The following CCDC18 variants were observed in gnomAD, a reference collection of about 807,000 sequenced individuals.
CCDC18 encodes the protein coiled-coil domain containing 18.
A neutral mutation model predicts 196.0 loss-of-function variants in CCDC18; 157 were observed. The observed-to-expected ratio is 0.80, with a 90% confidence interval of 0.70 to 0.91. The LOEUF (loss-of-function observed/expected upper bound fraction) is 0.91, where lower values mean the gene tolerates loss of function less well. Among genes scored for constraint, CCDC18 ranks in the 40% least tolerant of loss-of-function variants. The pLI is 0.00. For synonymous variants in CCDC18, 482 were observed against 529.2 expected, an observed-to-expected ratio of 0.91 and a Z score of 1.22; for missense variants, 1,465 against 1,611.6, an observed-to-expected ratio of 0.91 and a Z score of 1.56.
intron 16 of CCDC18, among the ~76,000 whole-genome samples, chr1:93,225,726 G>A (rs367844403): frequency 3.3e-5 from 5 of 150,858 alleles, no homozygotes; most frequent in African/African-American, 1.2e-4. Flanking sequence ...GCAGTGACCC[G>A]AGATCGCACC....
chr1:93,266,634 T>C (rs1343346783), intron 27 of CCDC18, among the ~76,000 whole-genome samples: 1 of 152,070 alleles, frequency 6.6e-6, no homozygotes, highest in South Asian at 2.1e-4. Context: ...CCCATAGAAA[T>C]ACAAACTACC....
At chr1:93,180,552 C>A, upstream of CCDC18, 1 of 1,476,780 alleles carries the variant, frequency 6.8e-7, no homozygotes, top group East Asian at 3.2e-5. Context: ...CACCAATGGG[C>A]ATCATGGCGG....
At chr1:93,229,467 C>G (rs574555600) in intron 17 of CCDC18, among the ~76,000 whole-genome samples, 15 of 152,224 alleles carry the variant, frequency 9.9e-5, no homozygotes, top group African/African-American at 3.4e-4. Flanking sequence ...TTTAGAAAAT[C>G]TGATTTGAGT....
At chr1:93,215,299 G>C (rs1039512537) in intron 12 of CCDC18, among the ~76,000 whole-genome samples, 1 of 152,070 alleles carries the variant, frequency 6.6e-6, no homozygotes, top group African/African-American at 2.4e-5. Flanking sequence ...GGATTATGCT[G>C]TTGGAAGAAA....
chr1:93,238,520 G>A (rs1264875201), intron 19 of CCDC18, among the ~76,000 whole-genome samples: 2 of 151,928 alleles, frequency 1.3e-5, no homozygotes, highest in South Asian at 2.1e-4. Context: ...GCTCCTACTT[G>A]CAAACTCAAT....
At chr1:93,184,977 A>G (rs1650378789) in intron 3 of CCDC18, among the ~76,000 whole-genome samples, 1 of 151,974 alleles carries the variant, frequency 6.6e-6, no homozygotes, top group Non-Finnish European at 1.5e-5. Flanking sequence ...TGGGAAAACA[A>G]TAATGATAAT....
chr1:93,203,353 C>T (rs975553461), intron 7 of CCDC18, among the ~76,000 whole-genome samples: 2 of 151,942 alleles, frequency 1.3e-5, no homozygotes, highest in African/African-American at 4.8e-5. Flanking sequence ...GTAGAATATC[C>T]AGTTATAGGT....
chr1:93,207,252 A>G lies in CCDC18; in HGVS notation c.1063A>G (p.Arg355Gly), dbSNP rs1003074461. ...SELENKDEILRDKFSLMNENR... is the reference protein window; with the variant it reads ...SELENKDEILGDKFSLMNENR... ...GTTAGAGAACAAAGACGAAATACTT[A>G]GAGACAAATTTTCTTTAATGAATGA... Residue 355 changes from arginine (R) to glycine (G), a missense_variant, in exon 9 of 29, where the codon AGA (arginine) becomes GGA (glycine). Physicochemically the swap from Arg to Gly is moderately radical, Grantham distance 125 (BLOSUM62 -2). Coordinates refer to ENST00000690025, the MANE Select transcript of CCDC18 (RefSeq NM_001378204.1). 1 of 1,613,630 alleles carries G rather than the reference A, an allele frequency of 6.2e-7. No homozygotes were observed. Among genetic ancestry groups the G allele is most frequent in the Non-Finnish European group, 8.5e-7 (1 of 1,179,754 alleles).
chr1:93,206,871 A>G (rs1241104782), intron 8 of CCDC18, among the ~76,000 whole-genome samples: 1 of 152,134 alleles, frequency 6.6e-6, no homozygotes, highest in Non-Finnish European at 1.5e-5. Context: ...AGACACTAGG[A>G]AAGTTATATA....
intron 28 of CCDC18, among the ~76,000 whole-genome samples, chr1:93,272,263 AT>A: frequency 6.6e-6 from 1 of 152,284 alleles, no homozygotes; most frequent in East Asian, 1.9e-4. Context: ...GGGTATGGTC[AT>A]TTCGCTTATT....
intron 6 of CCDC18, among the ~76,000 whole-genome samples, chr1:93,200,166 G>T (rs553000909): frequency 6.6e-6 from 1 of 151,842 alleles, no homozygotes; most frequent in African/African-American, 2.4e-5. Flanking sequence ...TTGTAGAGAC[G>T]ATCTCACTAC....
upstream of CCDC18, chr1:93,180,635 G>A (rs1156449558): frequency 7.5e-7 from 1 of 1,335,606 alleles, no homozygotes; most frequent in South Asian, 1.2e-5. Context: ...ACGATCCCCG[G>A]CAAGCCCCGC....
chr1:93,232,405 AT>A lies in CCDC18; in HGVS notation c.2293-20del. On this transcript the variant is annotated intron_variant, in intron 17 of 28. Coordinates refer to ENST00000690025, the MANE Select transcript of CCDC18 (RefSeq NM_001378204.1). ...TTGAAACATTGCATTGTATTGAGAG[AT>A]ATATATATATATTTGCCAGGTATAT... 1 of 1,109,800 alleles carries A rather than the reference AT, an allele frequency of 9.0e-7. No individual in the cohort carries two copies. Among genetic ancestry groups the A allele is most frequent in the Non-Finnish European group, 1.3e-6 (1 of 785,798 alleles). 68.7% of individuals were successfully genotyped at this position (1,109,800 alleles called of 1,614,324 possible).
At chr1:93,209,145 A>G (rs142274203) in intron 9 of CCDC18, among the ~76,000 whole-genome samples, 3,783 of 152,098 alleles carry the variant, frequency 0.025, 132 homozygotes, top group African/African-American at 0.081. Flanking sequence ...TTTAGTAGAG[A>G]CAGGGTTTCT....
intron 11 of CCDC18, among the ~76,000 whole-genome samples, chr1:93,214,282 C>T (rs902716079): frequency 4.3e-4 from 65 of 152,058 alleles, no homozygotes; most frequent in African/African-American, 1.5e-3. Flanking sequence ...GAGAGAAAGA[C>T]GATGGGGTCG....
At chr1:93,257,185 T>A (rs1313666536) in intron 25 of CCDC18, among the ~76,000 whole-genome samples, 1 of 132,736 alleles carries the variant, frequency 7.5e-6, no homozygotes, top group African/African-American at 2.9e-5. Context: ...TGAGCTGAAG[T>A]CGTGCCACTG....
At chr1:93,209,423 T>C (rs746574582) in intron 9 of CCDC18, among the ~76,000 whole-genome samples, 7 of 152,200 alleles carry the variant, frequency 4.6e-5, no homozygotes, top group Non-Finnish European at 8.8e-5. Context: ...GTAAATATAT[T>C]ATGGTTGGTT....
chr1:93,188,658 G>T, intron 4 of CCDC18, among the ~76,000 whole-genome samples: 1 of 151,854 alleles, frequency 6.6e-6, no homozygotes, highest in Admixed American at 6.6e-5. Flanking sequence ...CCATTTGTTT[G>T]TTTTTCACTT....
At chr1:93,227,334 AT>A (rs1159846377) in intron 17 of CCDC18, among the ~76,000 whole-genome samples, 325 of 137,434 alleles carry the variant, frequency 2.4e-3, no homozygotes, top group Middle Eastern at 3.8e-3. Context: ...AATTTTTTGT[AT>A]TTTTTTTTTT....
Sources: allele counts gnomAD v4.1 joint callset (sites outside exome capture counted in the v4.1 genomes callset), GRCh38; gene constraint gnomAD v4.1.1; transcripts MANE v1.5; gene names NCBI Gene and HGNC (gene_info 2026-07-23, HGNC 2026-07-21).